Variants in IQCH observed in about 807,000 individuals in gnomAD.
IQCH encodes IQ motif containing H.
IQCH carries 98 observed loss-of-function variants against 117.0 expected under a neutral mutation model. The ratio of observed to expected loss-of-function variants is 0.84; its 90% confidence interval spans 0.71 to 0.99. The LOEUF (loss-of-function observed/expected upper bound fraction) is 0.99. Among genes scored for constraint, IQCH ranks in the 50% least tolerant of loss-of-function variants. The pLI, the probability that IQCH is intolerant of heterozygous loss-of-function variation, is 0.00. For synonymous variants in IQCH, 412 were observed against 448.2 expected (o/e 0.92, Z 1.02); for missense variants, 1,102 against 1,243.8 (o/e 0.89, Z 1.72).
intron 4 of IQCH, among the ~76,000 whole-genome samples, chr15:67,305,387 T>C (rs1005416041): frequency 2.6e-5 from 4 of 152,160 alleles, no homozygotes; most frequent in East Asian, 1.9e-4. Context: ...ATGTGCTTTA[T>C]GTTATTCTAA....
At chr15:67,351,913 C>A (rs544715585) in intron 6 of IQCH, among the ~76,000 whole-genome samples, 2 of 152,084 alleles carry the variant, frequency 1.3e-5, no homozygotes, top group East Asian at 3.9e-4. Context: ...AAAAAAAAAT[C>A]ATTCTGACCA....
intron 14 of IQCH, among the ~76,000 whole-genome samples, chr15:67,409,384 A>G (rs1304749990): frequency 6.6e-6 from 1 of 152,220 alleles, no homozygotes; most frequent in Non-Finnish European, 1.5e-5. Context: ...AAAAAGATAC[A>G]GCAATTTAAG....
chr15:67,261,198 C>A (rs975279494), intron 1 of IQCH, 74 bp from the exon 2 acceptor site: 40 of 1,104,982 alleles, frequency 3.6e-5, no homozygotes, highest in Non-Finnish European at 4.4e-5. Context: ...CATTGCAAAC[C>A]TTTAAGATAA....
chr15:67,344,807 G>A (rs986507907), intron 6 of IQCH, among the ~76,000 whole-genome samples: 3 of 152,180 alleles, frequency 2.0e-5, no homozygotes, highest in Admixed American at 1.3e-4. Flanking sequence ...TTTACATTAA[G>A]TGTGAATGTT....
chr15:67,259,374 A>G (rs767161618), intron 1 of IQCH, among the ~76,000 whole-genome samples: 3 of 152,198 alleles, frequency 2.0e-5, no homozygotes, highest in Non-Finnish European at 1.5e-5. Context: ...TTCATTCAAC[A>G]GTTTTAAGTA....
At chr15:67,298,297 A>G (rs563595734) in intron 4 of IQCH, among the ~76,000 whole-genome samples, 226 of 129,398 alleles carry the variant, frequency 1.7e-3, no homozygotes, top group Non-Finnish European at 2.6e-3. Flanking sequence ...GTGACAGAGC[A>G]AGACTCGGTC....
At chr15:67,321,458 T>TTTCC (rs1173314392) in intron 4 of IQCH, among the ~76,000 whole-genome samples, 29 of 144,538 alleles carry the variant, frequency 2.0e-4, no homozygotes, top group Non-Finnish European at 2.4e-4. Flanking sequence ...CTTTCCTTCC[T>TTTCC]TTCCTTCCTT....
At chr15:67,307,149 G>C in intron 4 of IQCH, 4 of 1,050,410 alleles carry the variant, frequency 3.8e-6, no homozygotes, top group Non-Finnish European at 4.6e-6. Context: ...TTTTTGGCAA[G>C]ATGTGAGTTG....
At chr15:67,418,102 A>C (rs1273491054) in intron 15 of IQCH, among the ~76,000 whole-genome samples, 2 of 152,172 alleles carry the variant, frequency 1.3e-5, no homozygotes, top group Non-Finnish European at 1.5e-5. Flanking sequence ...ACTGAAGTAC[A>C]AAAGATTAAC....
chr15:67,465,444 G>A lies in IQCH; in HGVS notation c.2676+147G>A. On this transcript the variant is annotated intron_variant, in intron 17 of 20. Coordinates refer to ENST00000335894, the MANE Select transcript of IQCH (RefSeq NM_001031715.3). The surrounding 1 kb of genome is among the most constrained non-coding windows in gnomAD (Gnocchi z 5.9). The stretch of plus-strand genomic sequence containing the variant: ...ATTGGACTTGTCTGAGCAGGGTCTG[G>A]AAATGCGAATGTGTTGGTCAGAGGA... 1 of 796,916 alleles carries A rather than the reference G, an allele frequency of 1.3e-6. No homozygotes were observed. The highest frequency in any genetic ancestry group is 1.7e-5 in the African/African-American group (1 of 57,714). 49.4% of individuals were successfully genotyped at this position (796,916 alleles called of 1,614,324 possible). A position where few individuals can be genotyped will look rare whatever the true frequency, so the allele number is the denominator to read the frequency against.
In IQCH at chr15:67,403,910, C is replaced by G. The variant is rs1301527001; in HGVS notation, c.2097+3605C>G. The G allele has an allele frequency of 6.6e-6, 1 of 152,222 alleles. No homozygotes were observed. The highest frequency in any genetic ancestry group is 2.4e-5 in the African/African-American group (1 of 41,450). The allele number at this position is 152,222 out of a possible 1,614,324, so 9.4% of individuals were successfully genotyped here. A position where few individuals can be genotyped will look rare whatever the true frequency, so the allele number is the denominator to read the frequency against. On this transcript the variant is annotated intron_variant, in intron 14 of 20. Transcript: ENST00000335894. This position sits in a 1 kb window ranked among gnomAD's most constrained non-coding sequence, Gnocchi z 4.8. ...TAGAACAATTTCTGTGTGTAAAGAA[C>G]TAAGCCAGTTTACTTTCAAGTTTCT...
chr15:67,400,220 T>C lies in IQCH; in HGVS notation c.2012T>C (p.Ile671Thr), dbSNP rs554291299. The stretch of plus-strand genomic sequence containing the variant: ...GGAAATGGGACTGCATTTTGTGATA[T>C]TCCTTCCTACCTAAAGTGCTACAAA... ...FRGNGTAFCD[I>T]PSYLKCYKWV... is the part of the protein sequence containing the mutation. The change falls in exon 14 of 21, where the codon ATT becomes ACT. Residue 671 changes from isoleucine to threonine, a missense_variant. Transcript: ENST00000335894. 6.2e-7 allele frequency: 1 copy of C among 1,613,578 alleles called. No homozygotes were observed. The highest frequency in any genetic ancestry group is 1.1e-5 in the South Asian group (1 of 91,074).
At chr15:67,409,621 A>T (rs1315249500) in intron 14 of IQCH, among the ~76,000 whole-genome samples, 5 of 152,202 alleles carry the variant, frequency 3.3e-5, no homozygotes, top group Non-Finnish European at 7.3e-5. Flanking sequence ...ATAAGTATGG[A>T]ATTATATACC....
intron 14 of IQCH, among the ~76,000 whole-genome samples, chr15:67,402,183 G>A (rs1477461903): frequency 6.6e-6 from 1 of 152,148 alleles, no homozygotes; most frequent in African/African-American, 2.4e-5. Context: ...TGTTGTTAAT[G>A]TTATTAAATG....
intron 4 of IQCH, among the ~76,000 whole-genome samples, chr15:67,311,508 C>T (rs900828777): frequency 6.7e-6 from 1 of 149,390 alleles, no homozygotes; most frequent in Non-Finnish European, 1.5e-5. Flanking sequence ...CTTATTGTTT[C>T]CAGTGTTGGT....
Position 67,445,250 on chromosome 15 carries a change from G to T in IQCH, c.2506-19877G>T, listed in dbSNP as rs181211210. On this transcript the variant is annotated intron_variant, in intron 16 of 20. Transcript: ENST00000335894. This position sits in a 1 kb window ranked among gnomAD's most constrained non-coding sequence, Gnocchi z 4.3. ...GTTACATGAATCTTTTGCATAAATG[G>T]AACTGTTTTAGCAATATGTATATTC... Among the ~76,000 whole-genome samples the T allele has an allele frequency of 6.6e-6, 1 of 152,174 alleles. No individual in the cohort carries two copies. The highest frequency in any genetic ancestry group is 2.4e-5 in the African/African-American group (1 of 41,508).
At chr15:67,328,636 C>T (rs145693079) in intron 4 of IQCH, among the ~76,000 whole-genome samples, 1 of 151,920 alleles carries the variant, frequency 6.6e-6, no homozygotes, top group Admixed American at 6.6e-5. Flanking sequence ...GTAAGAAATG[C>T]AAAAAAGTGC....
intron 14 of IQCH, among the ~76,000 whole-genome samples, chr15:67,412,939 G>A (rs2081484988): frequency 6.6e-6 from 1 of 152,092 alleles, no homozygotes; most frequent in Non-Finnish European, 1.5e-5. Flanking sequence ...AAATAACATG[G>A]TAGTGGCCAC....
At chr15:67,371,837 A>AT (rs549782617) in intron 8 of IQCH, among the ~76,000 whole-genome samples, 157 of 152,282 alleles carry the variant, frequency 1.0e-3, no homozygotes, top group African/African-American at 3.7e-3. Context: ...TAAATGCATA[A>AT]TTTTTTATGA....
Sources: gnomAD v4.1 joint callset for allele counts (sites outside exome capture counted in the v4.1 genomes callset) on GRCh38, gnomAD v4.1.1 for gene constraint, Gnocchi (gnomAD v3.1) non-coding constraint, MANE v1.5 for transcripts, NCBI Gene and HGNC (gene_info 2026-07-23, HGNC 2026-07-21) for gene names.